Variants in PLA2G3 observed in about 807,000 individuals in gnomAD.
The protein encoded by PLA2G3 is group 3 secretory phospholipase A2.
Under a neutral mutation model 51.3 loss-of-function variants are expected in PLA2G3, and 39 were observed. The observed-to-expected ratio is 0.76, with a 90% confidence interval of 0.59 to 0.99. The LOEUF is 0.99. Among genes scored for constraint, PLA2G3 ranks in the 50% least tolerant of loss-of-function variants. The pLI is 0.00. For missense variants in PLA2G3, 677 were observed against 662.1 expected, an observed-to-expected ratio of 1.02 and a Z score of -0.25; for synonymous variants, 293 against 263.1, an observed-to-expected ratio of 1.11 and a Z score of -1.10.
rs1349671014 is a variant in PLA2G3, at chr22:31,140,424, A to G, written c.-70T>C. The G allele has an allele frequency of 1.3e-6, 2 of 1,505,252 alleles. No homozygotes were observed. The highest frequency in any genetic ancestry group is 1.8e-6 in the Non-Finnish European group (2 of 1,135,006). The allele number at this position is 1,505,252 out of a possible 1,614,324, so 93.2% of individuals were successfully genotyped here. On this transcript the variant is annotated 5_prime_UTR_variant, in exon 1 of 7. Coordinates refer to ENST00000215885, the MANE Select transcript of PLA2G3 (RefSeq NM_015715.5). ...GCCCTTGGTGGCCCCACCAGGCGGC[A>G]GCTGAGCAGTGGAACGGAAGCGGAG... is the stretch of plus-strand genomic sequence containing the variant.
Position 31,137,792 on chromosome 22 carries a change from G to T in PLA2G3, c.984C>A (p.Ala328=), listed in dbSNP as rs1429241824. ...TGGGAGAGACCATAGGGTCCTGGAG[G>T]GCTGTGGTGTTGGCTTTGCTGGGGC... ...SKRPSKANTT[A]LQDPMVSPRL... The change falls in exon 4 of 7, where the codon GCC becomes GCA. Residue 328 remains alanine, a synonymous_variant. Coordinates refer to ENST00000215885, the MANE Select transcript of PLA2G3 (RefSeq NM_015715.5). 2 of 1,614,020 alleles carry T rather than the reference G, an allele frequency of 1.2e-6. No homozygotes were observed. The highest frequency in any genetic ancestry group is 4.5e-5 in the East Asian group (2 of 44,884).
chr22:31,137,099 C>A lies in PLA2G3; in HGVS notation c.1067-59G>T, dbSNP rs572062847. Reference sequence around the variant, plus strand: ...ATCCACCAGGGAGGCCCCACCAATGCCTGCGCCATCCGGGAGAAACACCAG... The same window carrying A: ...ATCCACCAGGGAGGCCCCACCAATGACTGCGCCATCCGGGAGAAACACCAG... On this transcript the variant is annotated intron_variant, in intron 4 of 6. Coordinates refer to ENST00000215885, the MANE Select transcript of PLA2G3 (RefSeq NM_015715.5). The A allele has an allele frequency of 1.1e-5, 16 of 1,437,580 alleles. No individual in the cohort carries two copies. The African/African-American group carries it at 2.2e-4, about 19-fold the overall frequency. 89.1% of individuals were successfully genotyped at this position (1,437,580 alleles called of 1,614,324 possible).
rs1922591749 is a variant in PLA2G3, at chr22:31,136,779, A to G, written c.1220T>C (p.Leu407Pro). Residue 407 changes from leucine to proline, a missense_variant, in exon 6 of 7, where the codon CTC becomes CCC. By Grantham distance (98) the Leu-to-Pro change is moderately conservative. Transcript: ENST00000215885. ...CTRRLARFLR[L>P]HSPPEVTNML... ...GTTGGTAACCTCGGGTGGGCTGTGG[A>G]GCCTCAGGAAGCGTGCCAGACTGAG... 1 of 1,612,172 alleles carries G rather than the reference A, an allele frequency of 6.2e-7. No homozygotes were observed.
At position 31,135,753 on chromosome 22, in the gene PLA2G3, G is replaced by A. The variant is rs113700014; in HGVS notation, c.1500C>T (p.Pro500=). The A allele has an allele frequency of 5.9e-5, 95 of 1,613,808 alleles. 1 individual carries two copies. Among genetic ancestry groups the A allele is most frequent in the Middle Eastern group, 5.1e-4 (3 of 5,906 alleles). ...CLQLTQAARR[P]DRQQKSWSQ is the part of the protein sequence containing the mutation. ...GGCTCCAGGACTTCTGCTGCCTGTC[G>A]GGTCTCCTGGCTGCCTGGGTTAGCT... is the stretch of plus-strand genomic sequence containing the variant. Residue 500 remains proline (P), a synonymous_variant, in exon 7 of 7, where the codon CCC becomes CCT. Transcript: ENST00000215885.
Position 31,139,981 on chromosome 22 carries a change from G to C in PLA2G3, c.374C>G (p.Pro125Arg). 6.2e-7 allele frequency: 1 copy of C among 1,613,898 alleles called. No homozygotes were observed. The highest frequency in any genetic ancestry group is 8.5e-7 in the Non-Finnish European group (1 of 1,180,018). Residue 125 changes from proline to arginine, a missense_variant, in exon 1 of 7, where the codon CCA (proline) becomes CGA (arginine). Pro to Arg is a moderately radical substitution (Grantham distance 103, BLOSUM62 -2). Coordinates refer to ENST00000215885, the MANE Select transcript of PLA2G3 (RefSeq NM_015715.5). The stretch of plus-strand genomic sequence containing the variant: ...TGCTCGCTTCTTCCTGGCCCCTGCT[G>C]GACTCTCCTCAAGCGCTCGGCATGC... ...WEACRALEESPAGARKKRAAG... is the reference protein window; with the variant it reads ...WEACRALEESRAGARKKRAAG...
In PLA2G3 at chr22:31,137,856, T is replaced by C; in HGVS notation, c.920A>G (p.His307Arg). 6.2e-7 allele frequency: 1 copy of C among 1,614,008 alleles called. No homozygotes were observed. The highest frequency in any genetic ancestry group is 8.5e-7 in the Non-Finnish European group (1 of 1,179,984). The change falls in exon 4 of 7, where the codon CAC (histidine) becomes CGC (arginine). Residue 307 changes from histidine to arginine, a missense_variant. By Grantham distance (29) the His-to-Arg change is conservative. Transcript: ENST00000215885. The part of the protein sequence containing the change: ...PAPPKPRQKQ[H>R]LRKGPPHQKG... ...CTGATGTGGTGGCCCCTTCCGAAGGTGCTGCTTCTGTCGAGGCTTGGGAGG... is the reference window on the plus strand; with the variant it reads ...CTGATGTGGTGGCCCCTTCCGAAGGCGCTGCTTCTGTCGAGGCTTGGGAGG...
intron 3 of PLA2G3, 129 bp from the exon 4 acceptor site, chr22:31,138,122 C>G (rs1367162306): frequency 1.5e-6 from 2 of 1,340,294 alleles, no homozygotes; most frequent in Admixed American, 2.3e-5. Context: ...GGGGGACACC[C>G]AAGGAGGGTC....
rs548227431 is a variant in PLA2G3 at position 31,135,803 on chromosome 22, T to C, written c.1450A>G (p.Met484Val). The stretch of plus-strand genomic sequence containing the variant: ...TGCAGGCACTGGTTGTAGAATGACA[T>C]GGGGCCTCTCAGGGGCTCTGAAGGC... ...PWPSEPLRGP[M>V]SFYNQCLQLT... is the part of the protein sequence containing the mutation. Residue 484 changes from methionine (M) to valine (V), a missense_variant, in exon 7 of 7, where the codon ATG (methionine) becomes GTG (valine). By Grantham distance (21) the Met-to-Val change is conservative (BLOSUM62 1). Transcript: ENST00000215885. The C allele has an allele frequency of 1.9e-5, 30 of 1,614,006 alleles. No homozygotes were observed. The highest frequency in any genetic ancestry group is 1.7e-4 in the Middle Eastern group (1 of 6,052).
Position 31,137,933 on chromosome 22 carries a change from G to T in PLA2G3, c.843C>A (p.Ala281=). The change falls in exon 4 of 7, where the codon GCC becomes GCA. Residue 281 remains alanine (A), a synonymous_variant. Transcript: ENST00000215885. ...GGGAGGTGGCCCGGGAGCTCCAGGA[G>T]GCATTGTAGAAGGTCCTGGGCTGCA... The part of the protein sequence containing the change: ...ARLQPRTFYN[A]SWSSRATSPT... 6.2e-7 allele frequency: 1 copy of T among 1,611,546 alleles called. No homozygotes were observed. Among genetic ancestry groups the T allele is most frequent in the African/African-American group, 1.3e-5 (1 of 74,986 alleles).
In PLA2G3 at chr22:31,135,680, T is replaced by C. The variant is rs1258847837; in HGVS notation, c.*43A>G. 4 of 1,484,312 alleles carry C rather than the reference T, an allele frequency of 2.7e-6. No individual in the cohort carries two copies. The highest frequency in any genetic ancestry group is 1.1e-5 in the South Asian group (1 of 88,114). 91.9% of individuals were successfully genotyped at this position (1,484,312 alleles called of 1,614,324 possible). A position where few individuals can be genotyped will look rare whatever the true frequency, so the allele number is the denominator to read the frequency against. On this transcript the variant is annotated 3_prime_UTR_variant, in exon 7 of 7. Transcript: ENST00000215885. ...AGATTCCCAAGGCTTGGCATAGCCA[T>C]GGGCAAGGTCCAGGCTGGTGCCCAG...
rs771007494 is a variant in PLA2G3 at position 31,137,674 on chromosome 22, A to G, written c.1066+36T>C. 21 of 1,542,910 alleles carry G rather than the reference A, an allele frequency of 1.4e-5. No individual in the cohort carries two copies. In the South Asian group the frequency reaches 1.4e-4, roughly 10 times the overall value. On this transcript the variant is annotated intron_variant, in intron 4 of 6. Transcript: ENST00000215885. Reference sequence around the variant, plus strand: ...TAAACAGAAGCAGGGACACCCCCTCATGTCAGGAACCCCCAAGGTTAGGTT... The same window carrying G: ...TAAACAGAAGCAGGGACACCCCCTCGTGTCAGGAACCCCCAAGGTTAGGTT...
chr22:31,140,491 G>A lies in PLA2G3; in HGVS notation c.-137C>T, dbSNP rs533916889. 8.4e-5 allele frequency: 78 copies of A among 931,112 alleles called. 1 individual carries two copies. The highest frequency in any genetic ancestry group is 1.7e-4 in the South Asian group (10 of 58,934). The allele number at this position is 931,112 out of a possible 1,614,324, so 57.7% of individuals were successfully genotyped here. A position where few individuals can be genotyped will look rare whatever the true frequency, so the allele number is the denominator to read the frequency against. On this transcript the variant is annotated 5_prime_UTR_variant, in exon 1 of 7. Transcript: ENST00000215885. ...CGGCGGGACCAATGAATGGAGCTGC[G>A]GGAGGAGGAGGAAAGAGGCTGGAGT... is the stretch of plus-strand genomic sequence containing the variant.
rs987195609 is a variant in PLA2G3 at position 31,138,582 on chromosome 22, T to C, written c.647+85A>G. The C allele has an allele frequency of 2.6e-6, 4 of 1,557,122 alleles. No homozygotes were observed. The African/African-American group carries it at 5.4e-5, about 21-fold the overall frequency. On this transcript the variant is annotated intron_variant, in intron 2 of 6. Coordinates refer to ENST00000215885, the MANE Select transcript of PLA2G3 (RefSeq NM_015715.5). ...CCAAGCTGGCTGAGCTTTAAGATCC[T>C]CTGCAATCCCAATGTCTAGTTACCC... is the stretch of plus-strand genomic sequence containing the variant.
intron 1 of PLA2G3, among the ~76,000 whole-genome samples, chr22:31,139,109 C>A (rs1410217695): frequency 6.6e-6 from 1 of 152,136 alleles, no homozygotes; most frequent in Non-Finnish European, 1.5e-5. Context: ...AAGCCCACGC[C>A]CCAAATAAAA....
rs1602750971 is a variant in PLA2G3 at position 31,135,821 on chromosome 22, C to T, written c.1432G>A (p.Glu478Lys). 2 of 1,613,936 alleles carry T rather than the reference C, an allele frequency of 1.2e-6. No homozygotes were observed. Among genetic ancestry groups the T allele is most frequent in the African/African-American group, 2.7e-5 (2 of 75,066 alleles). ...AATGACATGGGGCCTCTCAGGGGCT[C>T]TGAAGGCCATGGCTGCCTCTCATCT... ...GTDERQPWPS[E>K]PLRGPMSFYN... Residue 478 changes from glutamate (E) to lysine (K), a missense_variant, in exon 7 of 7, where the codon GAG becomes AAG. Glu to Lys is a moderately conservative substitution (Grantham distance 56, BLOSUM62 1). Transcript: ENST00000215885.
At chr22:31,136,045 A>G in intron 6 of PLA2G3, 109 bp from the exon 7 acceptor site, 1 of 860,650 alleles carries the variant, frequency 1.2e-6, no homozygotes, top group South Asian at 1.6e-5. Flanking sequence ...GGCCACAGTC[A>G]CCAGCAAGGC....
In PLA2G3 at chr22:31,135,939, G is replaced by A. The variant is rs756631308; in HGVS notation, c.1317-3C>T. The A allele has an allele frequency of 2.5e-6, 4 of 1,611,878 alleles. No homozygotes were observed. Among genetic ancestry groups the A allele is most frequent in the Non-Finnish European group, 1.7e-6 (2 of 1,178,958 alleles). On this transcript the variant is annotated splice_polypyrimidine_tract_variant and splice_region_variant and intron_variant, in intron 6 of 6. Coordinates refer to ENST00000215885, the MANE Select transcript of PLA2G3 (RefSeq NM_015715.5). ...TGGCCCTAGGGTCTCTGGAACAGCT[G>A]TAAGGAGAGAAGAGTGGGGCAGATG...
Position 31,135,903 on chromosome 22 carries a change from T to C in PLA2G3, c.1350A>G (p.Ser450=). 1 of 1,613,744 alleles carries C rather than the reference T, an allele frequency of 6.2e-7. No homozygotes were observed. The change falls in exon 7 of 7, where the codon TCA becomes TCG. Residue 450 remains serine (S), a synonymous_variant. Coordinates refer to ENST00000215885, the MANE Select transcript of PLA2G3 (RefSeq NM_015715.5). The part of the protein sequence containing the change: ...CSRDPRAIRV[S]ARHLRRLQQR... ...GCTGAAGCCTCCGCAAGTGCCGGGC[T>C]GACACCCTGATGGCCCTAGGGTCTC...
chr22:31,137,721 A>T lies in PLA2G3; in HGVS notation c.1055T>A (p.Leu352Gln). 6.2e-7 allele frequency: 1 copy of T among 1,605,458 alleles called. No individual in the cohort carries two copies. ...PTGLQGPQGG[L>Q]KPQGARWVCR... Reference sequence around the variant, plus strand: ...GGTTCTGAGCTCACCCTGAGGTTTTAGGCCACCCTGTGGGCCCTGGAGGCC... The same window carrying T: ...GGTTCTGAGCTCACCCTGAGGTTTTTGGCCACCCTGTGGGCCCTGGAGGCC... Residue 352 changes from leucine to glutamine, a missense_variant, in exon 4 of 7, where the codon CTA (leucine) becomes CAA (glutamine). Leu to Gln is a moderately radical substitution (Grantham distance 113). Transcript: ENST00000215885.
Sources: gnomAD v4.1 joint callset for allele counts (sites outside exome capture counted in the v4.1 genomes callset) on GRCh38, gnomAD v4.1.1 for gene constraint, MANE v1.5 for transcripts, NCBI Gene and HGNC (gene_info 2026-07-23, HGNC 2026-07-21) for gene names.